The following PSTPIP2 variants were observed in gnomAD, a reference collection of about 807,000 sequenced individuals.
PSTPIP2 encodes the protein proline-serine-threonine phosphatase interacting protein 2.
PSTPIP2 carries 33 observed loss-of-function variants against 63.3 expected under a neutral mutation model. The ratio of observed to expected loss-of-function variants is 0.52; its 90% CI spans 0.40 to 0.70. The LOEUF (loss-of-function observed/expected upper bound fraction) is 0.70, where lower values mean the gene tolerates loss of function less well. Ranked by LOEUF, PSTPIP2 falls within the 30% of genes least tolerant of loss-of-function variation. The pLI is 0.00. For synonymous variants in PSTPIP2, 125 were observed against 132.7 expected, an observed-to-expected ratio of 0.94 and a Z score of 0.40; for missense variants, 312 against 400.7, an observed-to-expected ratio of 0.78 and a Z score of 1.89.
intron 3 of PSTPIP2, 30 bp from the exon 4 acceptor site, chr18:46,015,967 A>C: frequency 6.2e-7 from 1 of 1,602,902 alleles, no homozygotes; most frequent in Non-Finnish European, 8.5e-7. Flanking sequence ...ATATAATTTC[A>C]GTTCTGGAAA....
chr18:45,993,891 A>C (rs1328536580), intron 9 of PSTPIP2, 188 bp from the exon 10 acceptor site: 1 of 580,378 alleles, frequency 1.7e-6, no homozygotes, highest in Admixed American at 2.9e-5. Context: ...ACAAATCCTA[A>C]TATCACAGTA....
intron 9 of PSTPIP2, 77 bp downstream of exon 9, chr18:45,997,672 C>A (rs946479000): frequency 2.9e-5 from 7 of 243,098 alleles, no homozygotes; most frequent in East Asian, 1.1e-4. Context: ...CCCTCCCCCC[C>A]CCGTCCTGAG....
chr18:46,024,629 C>T lies in PSTPIP2; in HGVS notation c.192G>A (p.Pro64=), dbSNP rs138201255. 223 of 1,613,972 alleles carry T rather than the reference C, an allele frequency of 1.4e-4. No homozygotes were observed. The highest frequency in any genetic ancestry group is 1.7e-4 in the Non-Finnish European group (203 of 1,179,934). ...CATACTTGATTTCAGACTGTCCACA[C>T]GGCTTCTTCCTAGAGAGGTTGAGCA... The part of the protein sequence containing the change: ...KDLLNLSRKK[P]CGQSEINTLK... The change falls in exon 3 of 15, where the codon CCG becomes CCA. Residue 64 remains proline, a synonymous_variant. Transcript: ENST00000409746.
At chr18:45,997,897 C>G in intron 8 of PSTPIP2, 69 bp from the exon 9 acceptor site, 2 of 1,411,954 alleles carry the variant, frequency 1.4e-6, no homozygotes, top group Non-Finnish European at 2.0e-6. Context: ...CACCCACAGG[C>G]TGGTCTCAGA....
At chr18:46,061,676 C>A (rs1035939319) in intron 1 of PSTPIP2, among the ~76,000 whole-genome samples, 2 of 152,226 alleles carry the variant, frequency 1.3e-5, no homozygotes, top group African/African-American at 4.8e-5. Context: ...CAGGACAAAT[C>A]AACAGTGCCC....
intron 1 of PSTPIP2, among the ~76,000 whole-genome samples, chr18:46,067,103 T>C (rs1378375481): frequency 6.6e-6 from 1 of 151,864 alleles, no homozygotes; most frequent in Non-Finnish European, 1.5e-5. Flanking sequence ...AAAGAATGTA[T>C]GGGAGAGCAG....
intron 3 of PSTPIP2, among the ~76,000 whole-genome samples, chr18:46,017,470 T>C (rs1002152746): frequency 3.3e-5 from 5 of 152,180 alleles, no homozygotes; most frequent in African/African-American, 1.2e-4. Context: ...TCAAGCTCTG[T>C]TGCTTTAAAA....
At chr18:45,997,164 C>T (rs1160565445) in intron 9 of PSTPIP2, among the ~76,000 whole-genome samples, 2 of 152,072 alleles carry the variant, frequency 1.3e-5, no homozygotes, top group African/African-American at 4.8e-5. Context: ...TTCCATTCTT[C>T]ACTTAAATTT....
Position 46,010,239 on chromosome 18 carries a change from C to A in PSTPIP2, c.354+942G>T, listed in dbSNP as rs893038187. Reference sequence around the variant, plus strand: ...AGGTAGAATCAGCCTTAACAGCTGGCTGCTTATCAGATATGCTCATTGCAG... The same window carrying A: ...AGGTAGAATCAGCCTTAACAGCTGGATGCTTATCAGATATGCTCATTGCAG... On this transcript the variant is annotated intron_variant, in intron 5 of 14. Transcript: ENST00000409746. Among the ~76,000 whole-genome samples the A allele has an allele frequency of 2.6e-5, 4 of 152,226 alleles. No individual in the cohort carries two copies. In the South Asian group the frequency reaches 8.3e-4, roughly 31 times the overall value.
At chr18:46,007,660 T>C (rs1352084639) in intron 5 of PSTPIP2, among the ~76,000 whole-genome samples, 2 of 126,118 alleles carry the variant, frequency 1.6e-5, no homozygotes, top group East Asian at 4.8e-4. Context: ...TGGGAGCTGC[T>C]ACTATATTAT....
At chr18:46,002,925 C>T (rs2051682830) in intron 6 of PSTPIP2, among the ~76,000 whole-genome samples, 2 of 152,290 alleles carry the variant, frequency 1.3e-5, no homozygotes, top group East Asian at 1.9e-4. Context: ...CATGGAGTTT[C>T]GTATCTTTCT....
intron 2 of PSTPIP2, among the ~76,000 whole-genome samples, chr18:46,036,128 TTTAA>T (rs1907968638): frequency 6.7e-6 from 1 of 148,664 alleles, no homozygotes; most frequent in Non-Finnish European, 1.5e-5. Flanking sequence ...TATCATTTTA[TTTAA>T]TTAATATTAA....
At chr18:45,993,028 C>T (rs2051555224) in intron 10 of PSTPIP2, among the ~76,000 whole-genome samples, 1 of 152,096 alleles carries the variant, frequency 6.6e-6, no homozygotes, top group Non-Finnish European at 1.5e-5. Context: ...GCCCAGCCTA[C>T]ATTTACTATT....
chr18:46,017,503 C>G (rs920235760), intron 3 of PSTPIP2, among the ~76,000 whole-genome samples: 1 of 152,120 alleles, frequency 6.6e-6, no homozygotes, highest in East Asian at 1.9e-4. Flanking sequence ...TGTTTCTATT[C>G]TCTCTTCTGG....
At chr18:46,002,981 T>G (rs1348491895) in intron 6 of PSTPIP2, among the ~76,000 whole-genome samples, 2 of 152,238 alleles carry the variant, frequency 1.3e-5, no homozygotes, top group African/African-American at 4.8e-5. Flanking sequence ...TTTTTGGTAT[T>G]ATGTTACAAG....
chr18:46,004,218 A>T (rs1051717553), intron 6 of PSTPIP2, among the ~76,000 whole-genome samples: 2 of 152,236 alleles, frequency 1.3e-5, no homozygotes, highest in African/African-American at 4.8e-5. Context: ...ATTGTTTTTG[A>T]GGGATTTCTG....
chr18:46,054,036 C>A (rs1435179593), intron 1 of PSTPIP2, among the ~76,000 whole-genome samples: 1 of 152,102 alleles, frequency 6.6e-6, no homozygotes, highest in Non-Finnish European at 1.5e-5. Context: ...TATGGTATGG[C>A]CTATTGCTCC....
chr18:46,041,274 G>T (rs1191173443), intron 1 of PSTPIP2, among the ~76,000 whole-genome samples: 1 of 152,114 alleles, frequency 6.6e-6, no homozygotes, highest in Non-Finnish European at 1.5e-5. Context: ...TTGATACAGG[G>T]TCTCACTCTG....
At chr18:46,023,348 G>A (rs904260866) in intron 3 of PSTPIP2, among the ~76,000 whole-genome samples, 3 of 152,094 alleles carry the variant, frequency 2.0e-5, no homozygotes, top group Non-Finnish European at 4.4e-5. Flanking sequence ...ATCACCTGAG[G>A]TGGGGGGTTC....
Sources: allele counts gnomAD v4.1 joint callset (sites outside exome capture counted in the v4.1 genomes callset), GRCh38; gene constraint gnomAD v4.1.1; transcripts MANE v1.5; gene names NCBI Gene and HGNC (gene_info 2026-07-23, HGNC 2026-07-21).